The following NUP85 variants were observed in gnomAD, a reference collection of about 807,000 sequenced individuals.
The protein encoded by NUP85 is nucleoporin 85, also known as nuclear pore complex protein Nup85.
NUP85 carries 23 observed loss-of-function variants against 92.8 expected under a neutral mutation model. The observed-to-expected ratio is 0.25, with a 90% CI of 0.18 to 0.35. The LOEUF is 0.35. NUP85 is among the 10% of genes least tolerant of loss of function. The pLI, the probability that NUP85 is intolerant of heterozygous loss-of-function variation, is 1.00. For missense variants in NUP85, 759 were observed against 822.8 expected, an observed-to-expected ratio of 0.92 and a Z score of 0.95; for synonymous variants, 314 against 306.9, an observed-to-expected ratio of 1.02 and a Z score of -0.24.
At chr17:75,213,725 A>G (rs2075341138) in intron 5 of NUP85, among the ~76,000 whole-genome samples, 1 of 147,764 alleles carries the variant, frequency 6.8e-6, no homozygotes, top group Non-Finnish European at 1.5e-5. Flanking sequence ...TGAACTCAAC[A>G]TTTTTTTTTT....
chr17:75,229,970 C>T (rs2075981172), intron 11 of NUP85, among the ~76,000 whole-genome samples: 1 of 152,080 alleles, frequency 6.6e-6, no homozygotes, highest in South Asian at 2.1e-4. Flanking sequence ...TGGCCCAGCC[C>T]ACTCCCTCCC....
At chr17:75,233,356 T>G (rs938939216) in intron 16 of NUP85, among the ~76,000 whole-genome samples, 198 bp downstream of exon 16, 1 of 148,500 alleles carries the variant, frequency 6.7e-6, no homozygotes, top group Admixed American at 6.8e-5. Context: ...TTTGTTTGTT[T>G]GTTTGTTTGT....
intron 7 of NUP85, among the ~76,000 whole-genome samples, chr17:75,222,258 T>G (rs923793675): frequency 6.6e-6 from 1 of 152,132 alleles, no homozygotes; most frequent in African/African-American, 2.4e-5. Flanking sequence ...TTGTCCAGGC[T>G]GGTCTCAAAC....
intron 2 of NUP85, among the ~76,000 whole-genome samples, chr17:75,209,554 C>T (rs956962155): frequency 5.3e-5 from 8 of 151,408 alleles, no homozygotes; most frequent in African/African-American, 1.7e-4. Context: ...AGCAATTCTC[C>T]TGCCTCAGTC....
chr17:75,209,509 T>A (rs1016642369), intron 2 of NUP85, among the ~76,000 whole-genome samples: 6 of 150,692 alleles, frequency 4.0e-5, no homozygotes, highest in African/African-American at 1.5e-4. Context: ...AGTGGTGTGA[T>A]CTCGGCTCAC....
chr17:75,223,943 T>TAG (rs1050877234), intron 7 of NUP85, among the ~76,000 whole-genome samples: 2 of 152,232 alleles, frequency 1.3e-5, no homozygotes, highest in African/African-American at 4.8e-5. Flanking sequence ...GTCTTACGTG[T>TAG]AGACTCATCT....
intron 3 of NUP85, among the ~76,000 whole-genome samples, chr17:75,211,688 G>C (rs1296386360): frequency 1.3e-5 from 2 of 152,094 alleles, no homozygotes; most frequent in Non-Finnish European, 2.9e-5. Flanking sequence ...TGAGCCACCG[G>C]GCCTGGCCAG....
At chr17:75,227,986 T>C (rs909087035) in intron 11 of NUP85, 2 of 159,816 alleles carry the variant, frequency 1.3e-5, no homozygotes, top group African/African-American at 4.8e-5. Flanking sequence ...CTGTAAACAT[T>C]GTGAGAAGTC....
intron 1 of NUP85, chr17:75,208,242 C>A: frequency 3.2e-6 from 1 of 310,756 alleles, no homozygotes; most frequent in Non-Finnish European, 5.8e-6. Flanking sequence ...TTGTGACCAG[C>A]CTGGGCAATA....
intron 16 of NUP85, among the ~76,000 whole-genome samples, chr17:75,233,494 T>C (rs1280017150): frequency 1.5e-5 from 2 of 137,352 alleles, no homozygotes; most frequent in Non-Finnish European, 3.1e-5. Flanking sequence ...GCTGCCAGGC[T>C]CACTGCAACC....
intron 15 of NUP85, 32 bp downstream of exon 15, chr17:75,233,000 C>T (rs765388958): frequency 6.2e-7 from 1 of 1,613,166 alleles, no homozygotes; most frequent in Non-Finnish European, 8.5e-7. Flanking sequence ...TTCCCAGGGA[C>T]TGGGTGGTTG....
chr17:75,217,350 A>G (rs2075461679), intron 6 of NUP85, among the ~76,000 whole-genome samples: 2 of 148,270 alleles, frequency 1.3e-5, no homozygotes, highest in South Asian at 4.3e-4. Context: ...GTGAGCCACC[A>G]TTCCTGGCTC....
At position 75,235,696 on chromosome 17, in the gene NUP85, G is replaced by A. The variant is rs755145447; in HGVS notation, c.*17G>A. 1.3e-6 allele frequency: 2 copies of A among 1,520,012 alleles called. No homozygotes were observed. Among genetic ancestry groups the A allele is most frequent in the Admixed American group, 1.7e-5 (1 of 59,198 alleles). The allele number at this position is 1,520,012 out of a possible 1,614,324, so 94.2% of individuals were successfully genotyped here. ...GGTTCCTGAGAACTGCTTCAATGTGGTATCTTTGTATGGCAATGTATATAG... is the reference window on the plus strand; with the variant it reads ...GGTTCCTGAGAACTGCTTCAATGTGATATCTTTGTATGGCAATGTATATAG... On this transcript the variant is annotated 3_prime_UTR_variant, in exon 19 of 19. Coordinates refer to ENST00000245544, the MANE Select transcript of NUP85 (RefSeq NM_024844.5).
At chr17:75,217,534 G>C (rs1393655142) in intron 6 of NUP85, among the ~76,000 whole-genome samples, 3 of 151,964 alleles carry the variant, frequency 2.0e-5, no homozygotes, top group South Asian at 2.1e-4. Context: ...TTTTGAGACA[G>C]AGTCTCACTC....
chr17:75,235,061 G>A (rs2076278928), intron 17 of NUP85, 39 bp from the exon 18 acceptor site: 5 of 1,547,184 alleles, frequency 3.2e-6, no homozygotes, highest in Admixed American at 1.7e-5. Context: ...TGCAGGCCAG[G>A]GCTGGGGGCA....
At chr17:75,223,878 A>C (rs1258097519) in intron 7 of NUP85, among the ~76,000 whole-genome samples, 1 of 152,146 alleles carries the variant, frequency 6.6e-6, no homozygotes, top group Non-Finnish European at 1.5e-5. Flanking sequence ...TCAACAAAGT[A>C]TGTCCACCTT....
At chr17:75,227,347 T>G (rs1355505476) in intron 11 of NUP85, among the ~76,000 whole-genome samples, 2 of 148,402 alleles carry the variant, frequency 1.3e-5, no homozygotes, top group East Asian at 1.9e-4. Flanking sequence ...TTTTTTTTTT[T>G]TTTTTGAGAC....
At chr17:75,212,275 T>G (rs1460251872) in intron 4 of NUP85, among the ~76,000 whole-genome samples, 2 of 77,552 alleles carry the variant, frequency 2.6e-5, no homozygotes, top group Non-Finnish European at 4.7e-5. Context: ...TTTTTTTTTT[T>G]TTTTTTTTTT....
intron 1 of NUP85, among the ~76,000 whole-genome samples, chr17:75,206,413 T>C (rs1242682402): frequency 6.6e-6 from 1 of 151,716 alleles, no homozygotes; most frequent in African/African-American, 2.4e-5. Context: ...CCGATAAAGG[T>C]TTAATTAGCT....
Sources: allele counts gnomAD v4.1 joint callset (sites outside exome capture counted in the v4.1 genomes callset), GRCh38; gene constraint gnomAD v4.1.1; transcripts MANE v1.5; gene names NCBI Gene and HGNC (gene_info 2026-07-23, HGNC 2026-07-21).